ARID1B: variants seen among roughly 807,000 people sequenced by gnomAD.
ARID1B encodes the protein AT-rich interaction domain 1B, also known as AT-rich interactive domain-containing protein 1B.
In ARID1B, 30 loss-of-function variants were observed where a neutral mutation model predicts 212.3. That is an observed-to-expected ratio of 0.14 (90% CI 0.11 to 0.19). The LOEUF is 0.19. Ranked by LOEUF, ARID1B falls within the 10% of genes least tolerant of loss-of-function variation. The probability of loss-of-function intolerance (pLI) is 1.00; values close to 1 mark genes in which losing one functional copy is unlikely to be tolerated. For missense variants in ARID1B, 2,891 were observed against 3,204.0 expected (o/e 0.90, Z 2.36); for synonymous variants, 1,402 against 1,301.7 (o/e 1.08, Z -1.66).
At chr6:157,021,035 C>G (rs1158292149) in intron 4 of ARID1B, among the ~76,000 whole-genome samples, 1 of 151,570 alleles carries the variant, frequency 6.6e-6, no homozygotes, top group Admixed American at 6.6e-5. Context: ...CCCGCCCACC[C>G]GTCCCTGCCC....
intron 2 of ARID1B, among the ~76,000 whole-genome samples, chr6:156,865,593 GT>G (rs920345251): frequency 2.0e-5 from 3 of 151,876 alleles, no homozygotes; most frequent in African/African-American, 7.3e-5. Flanking sequence ...AAGCTCTTAA[GT>G]TTTTTTTATC....
rs77046819 is a variant in ARID1B at position 157,051,699 on chromosome 6, A to G, written c.2248-32963A>G. Among the ~76,000 whole-genome samples, 15 of 152,348 alleles carry G rather than the reference A, an allele frequency of 9.8e-5. No individual in the cohort carries two copies. The East Asian group carries it at 1.3e-3, about 14-fold the overall frequency. On this transcript the variant is annotated intron_variant, in intron 4 of 19. Transcript: ENST00000636930. ...AAAAAAAATGAATATTTATAATACC[A>G]GGAGAATGTAAAAATATAATTAGAG...
At chr6:157,123,661 A>G (rs1449134093) in intron 6 of ARID1B, among the ~76,000 whole-genome samples, 1 of 152,264 alleles carries the variant, frequency 6.6e-6, no homozygotes, top group Non-Finnish European at 1.5e-5. Context: ...AATGGTTTGT[A>G]GGGAAACCTG....
rs892731548 is a variant in ARID1B, at chr6:156,778,613, G to T, written c.933G>T (p.Pro311=). 7.5e-7 allele frequency: 1 copy of T among 1,338,448 alleles called. No individual in the cohort carries two copies. The allele number at this position is 1,338,448 out of a possible 1,614,324, so 82.9% of individuals were successfully genotyped here. A position where few individuals can be genotyped will look rare whatever the true frequency, so the allele number is the denominator to read the frequency against. The change falls in exon 1 of 20, where the codon CCG becomes CCT. Residue 311 remains proline, a synonymous_variant. Transcript: ENST00000636930. ...GCGGCGGCGGCCCGGCGGCCGTCCC[G>T]GAGTTTAATAATTACTATGGCAGCG... ...PGGGGGPAAV[P]EFNNYYGSAA... is the part of the protein sequence containing the mutation.
chr6:157,187,861 G>A lies in ARID1B; in HGVS notation c.3920-1781G>A, dbSNP rs150645342. Among the ~76,000 whole-genome samples, 605 of 151,338 alleles carry A rather than the reference G, an allele frequency of 4.0e-3. 6 individuals are homozygous for A. Among genetic ancestry groups the A allele is most frequent in the African/African-American group, 0.014 (571 of 41,154 alleles). ...AAGGGTCTTTCTGAAATCAAGCCTT[G>A]CAAGTGATGTTTCCAAGGAGGCTGT... On this transcript the variant is annotated intron_variant, in intron 13 of 19. Coordinates refer to ENST00000636930, the MANE Select transcript of ARID1B (RefSeq NM_001374828.1).
At chr6:156,983,938 C>G (rs927925973) in intron 4 of ARID1B, among the ~76,000 whole-genome samples, 1 of 152,212 alleles carries the variant, frequency 6.6e-6, no homozygotes, top group African/African-American at 2.4e-5. Context: ...TTGCTTTTCT[C>G]ATTCCTGTGT....
intron 4 of ARID1B, among the ~76,000 whole-genome samples, chr6:157,040,044 G>A (rs369768148): frequency 6.6e-6 from 1 of 151,926 alleles, no homozygotes; most frequent in East Asian, 1.9e-4. Context: ...CTGCCTTCCA[G>A]GTTCAAGCAA....
chr6:157,160,758 G>A (rs142726821), intron 8 of ARID1B, among the ~76,000 whole-genome samples: 4,445 of 152,280 alleles, frequency 0.029, 86 homozygotes, highest in Non-Finnish European at 0.04. Flanking sequence ...CCTGGAGAGG[G>A]CCTCCTGGAT....
chr6:156,812,975 T>TGTGTGTGTATATACATAC, intron 1 of ARID1B, among the ~76,000 whole-genome samples: 1 of 103,634 alleles, frequency 9.6e-6, no homozygotes, highest in South Asian at 3.2e-4. Context: ...TGTGTGTGTG[T>TGTGTGTGTATATACATAC]GTATGTATAT....
intron 2 of ARID1B, among the ~76,000 whole-genome samples, chr6:156,856,204 G>A (rs1784918169): frequency 6.6e-6 from 1 of 152,206 alleles, no homozygotes; most frequent in Non-Finnish European, 1.5e-5. Context: ...CTTACTGCAG[G>A]TGCCATGTGG....
chr6:156,840,784 G>C (rs969675081), intron 2 of ARID1B, among the ~76,000 whole-genome samples: 9 of 112,258 alleles, frequency 8.0e-5, no homozygotes, highest in Non-Finnish European at 1.6e-4. Context: ...CTGTCTTGCT[G>C]TGTCATGTCC....
chr6:156,781,002 G>T (rs775038384), intron 1 of ARID1B, among the ~76,000 whole-genome samples: 2 of 152,108 alleles, frequency 1.3e-5, no homozygotes, highest in African/African-American at 2.4e-5. Flanking sequence ...ATTTTTTTAA[G>T]ATTTTGATAG....
chr6:156,975,772 TG>T (rs1374031231), intron 4 of ARID1B, among the ~76,000 whole-genome samples: 5 of 152,168 alleles, frequency 3.3e-5, no homozygotes, highest in Non-Finnish European at 5.9e-5. Context: ...CATCTTTCCA[TG>T]CCACCACAGT....
chr6:156,999,300 G>A (rs1204598542), intron 4 of ARID1B, among the ~76,000 whole-genome samples: 2 of 152,218 alleles, frequency 1.3e-5, no homozygotes, highest in Non-Finnish European at 2.9e-5. Context: ...AAGCCCAACT[G>A]TGCATACAAG....
intron 3 of ARID1B, among the ~76,000 whole-genome samples, chr6:156,909,142 T>TG (rs1318095055): frequency 1.4e-5 from 2 of 147,668 alleles, no homozygotes; most frequent in Admixed American, 1.3e-4. Flanking sequence ...TTTTTTTTTT[T>TG]TGAGACAGAG....
chr6:157,103,347 A>T (rs1786219316), intron 5 of ARID1B, among the ~76,000 whole-genome samples: 2 of 152,174 alleles, frequency 1.3e-5, no homozygotes, highest in African/African-American at 4.8e-5. Context: ...TTCTGTCTGT[A>T]TGGAATGTAC....
At position 157,148,607 on chromosome 6, in the gene ARID1B, G is replaced by T; in HGVS notation, c.2762-17G>T. ...GTTTAAATAAAAGGCTTTACTTTGT[G>T]TTTGCTTTTTGTTTAGGTAACTACT... On this transcript the variant is annotated splice_polypyrimidine_tract_variant and intron_variant, in intron 7 of 19. Coordinates refer to ENST00000636930, the MANE Select transcript of ARID1B (RefSeq NM_001374828.1). This position sits in a 1 kb window ranked among gnomAD's most constrained non-coding sequence, Gnocchi z 5.6. 2 of 1,571,434 alleles carry T rather than the reference G, an allele frequency of 1.3e-6. No homozygotes were observed. Among genetic ancestry groups the T allele is most frequent in the Non-Finnish European group, 1.7e-6 (2 of 1,153,346 alleles).
At chr6:157,056,374 T>C (rs1298509645) in intron 4 of ARID1B, among the ~76,000 whole-genome samples, 2 of 152,232 alleles carry the variant, frequency 1.3e-5, no homozygotes, top group East Asian at 3.8e-4. Flanking sequence ...CATATTTGAC[T>C]GACAACATTG....
chr6:156,949,831 A>G (rs1172008059), intron 4 of ARID1B, among the ~76,000 whole-genome samples: 1 of 152,206 alleles, frequency 6.6e-6, no homozygotes, highest in Non-Finnish European at 1.5e-5. Flanking sequence ...GAATTTCCCC[A>G]GTATTACGCT....
Sources: gnomAD v4.1 joint callset for allele counts (sites outside exome capture counted in the v4.1 genomes callset) on GRCh38, gnomAD v4.1.1 for gene constraint, Gnocchi (gnomAD v3.1) non-coding constraint, MANE v1.5 for transcripts, NCBI Gene and HGNC (gene_info 2026-07-23, HGNC 2026-07-21) for gene names.